The following DGKH variants were observed in gnomAD, a reference collection of about 807,000 sequenced individuals.
DGKH encodes diacylglycerol kinase eta.
DGKH carries 90 observed loss-of-function variants against 159.3 expected under a neutral mutation model. The observed-to-expected ratio is 0.57, with a 90% confidence interval of 0.48 to 0.67. The LOEUF is 0.67. DGKH is among the 30% of genes least tolerant of loss of function. The probability of loss-of-function intolerance (pLI) is 0.00; values close to 1 mark genes in which losing one functional copy is unlikely to be tolerated. For missense variants in DGKH, 1,181 were observed against 1,506.1 expected, an observed-to-expected ratio of 0.78 and a Z score of 3.57; for synonymous variants, 536 against 553.8, an observed-to-expected ratio of 0.97 and a Z score of 0.45.
intron 1 of DGKH, among the ~76,000 whole-genome samples, chr13:42,060,369 C>T (rs765443126): frequency 2.6e-5 from 4 of 152,166 alleles, no homozygotes; most frequent in Non-Finnish European, 4.4e-5. Flanking sequence ...CCACCTCTAT[C>T]GGTCTTTTTC....
rs776422302 is a variant in DGKH, at chr13:42,095,156, C to CTTTTTTTTTTTTTT, written c.193-32296_193-32283dup. On this transcript the variant is annotated intron_variant, in intron 1 of 29. Coordinates refer to ENST00000337343, the MANE Select transcript of DGKH (RefSeq NM_178009.5). ...GCAGCCGCTCAATAAATGTTGACTC[C>CTTTTTTTTTTTTTT]TTTTTTTTTTTTTTTTTTTTTTTTG... Among the ~76,000 whole-genome samples the CTTTTTTTTTTTTTT allele has an allele frequency of 2.6e-4, 20 of 76,814 alleles. 1 individual carries two copies. The highest frequency in any genetic ancestry group is 4.0e-4 in the Non-Finnish European group (17 of 42,954). 50.4% of individuals were successfully genotyped at this position (76,814 alleles called of 152,430 possible).
intron 3 of DGKH, among the ~76,000 whole-genome samples, chr13:42,150,461 C>T: frequency 6.6e-6 from 1 of 152,128 alleles, no homozygotes; most frequent in East Asian, 1.9e-4. Flanking sequence ...AGTTACATTT[C>T]TTTTTACCTC....
rs558512939 is a variant in DGKH at position 42,227,274 on chromosome 13, T to A, written c.3574-1825T>A. Among the ~76,000 whole-genome samples the A allele has an allele frequency of 5.1e-4, 78 of 151,958 alleles. 3 individuals are homozygous for A. The highest frequency in any genetic ancestry group is 1.8e-3 in the African/African-American group (75 of 41,468). ...CCTGGAACTTAAAATTAAATTAATT[T>A]AAAAAAAAGTATAGCTAAGAAGTTA... On this transcript the variant is annotated intron_variant, in intron 29 of 29. Coordinates refer to ENST00000337343, the MANE Select transcript of DGKH (RefSeq NM_178009.5).
At chr13:42,059,665 C>A (rs1401937475) in intron 1 of DGKH, among the ~76,000 whole-genome samples, 3 of 152,184 alleles carry the variant, frequency 2.0e-5, no homozygotes, top group African/African-American at 7.2e-5. Context: ...TCTATTTAAT[C>A]TTGAAATATC....
chr13:42,061,211 C>T (rs1882140204), intron 1 of DGKH, among the ~76,000 whole-genome samples: 2 of 152,046 alleles, frequency 1.3e-5, no homozygotes, highest in Admixed American at 1.3e-4. Flanking sequence ...GGCTGGTTGC[C>T]CCACCCTAAT....
rs1223953901 is a variant in DGKH, at chr13:42,135,489, C to CACAAAAAAAAAAA, written c.384+5858_384+5859insCAAAAAAAAAAAA. Among the ~76,000 whole-genome samples the CACAAAAAAAAAAA allele has an allele frequency of 1.0e-3, 53 of 50,974 alleles. 2 individuals are homozygous for CACAAAAAAAAAAA. The highest frequency in any genetic ancestry group is 1.6e-3 in the Admixed American group (5 of 3,060). The allele number at this position is 50,974 out of a possible 152,430, so 33.4% of individuals were successfully genotyped here. On this transcript the variant is annotated intron_variant, in intron 3 of 29. Transcript: ENST00000337343. ...TGGGTGGCAGAGAAAGACCCTGTCT[C>CACAAAAAAAAAAA]AGAAAAAAAAAAAAAAAAAGAGAGA...
At chr13:42,124,603 A>G (rs1267822244) in intron 1 of DGKH, among the ~76,000 whole-genome samples, 3 of 152,102 alleles carry the variant, frequency 2.0e-5, no homozygotes, top group Non-Finnish European at 4.4e-5. Context: ...GTATTTGGTG[A>G]TGGGATTTGC....
intron 1 of DGKH, among the ~76,000 whole-genome samples, chr13:42,083,868 C>T (rs2137726625): frequency 6.6e-6 from 1 of 152,272 alleles, no homozygotes; most frequent in African/African-American, 2.4e-5. Context: ...AAGTATTGTA[C>T]TTTGTAAGAA....
At chr13:42,167,010 T>C (rs1007912925) in intron 9 of DGKH, among the ~76,000 whole-genome samples, 21 of 152,194 alleles carry the variant, frequency 1.4e-4, no homozygotes, top group African/African-American at 5.1e-4. Flanking sequence ...AAGGCTGATA[T>C]TGATTTACAT....
rs537230102 is a variant in DGKH at position 42,241,765 on chromosome 13, C to T, written c.*12577C>T. The stretch of plus-strand genomic sequence containing the variant: ...GCGGTAATATTTAACAGGTAGCATA[C>T]GTATCTAAGCATATAGTAAATATTA... On this transcript the variant is annotated 3_prime_UTR_variant, in exon 30 of 30. Transcript: ENST00000337343. 2.0e-5 allele frequency: 3 copies of T among 152,244 alleles called. No individual in the cohort carries two copies. The highest frequency in any genetic ancestry group is 1.9e-4 in the East Asian group (1 of 5,184). The allele number at this position is 152,244 out of a possible 1,614,324, so 9.4% of individuals were successfully genotyped here.
At chr13:42,074,899 G>C (rs1954066880) in intron 1 of DGKH, among the ~76,000 whole-genome samples, 1 of 152,200 alleles carries the variant, frequency 6.6e-6, no homozygotes, top group Non-Finnish European at 1.5e-5. Flanking sequence ...TTGAAAGTGT[G>C]TGCCACTCAT....
Position 42,239,692 on chromosome 13 carries a change from ACT to A in DGKH, c.*10507_*10508del, listed in dbSNP as rs1958482146. On this transcript the variant is annotated 3_prime_UTR_variant, in exon 30 of 30. Coordinates refer to ENST00000337343, the MANE Select transcript of DGKH (RefSeq NM_178009.5). ...TCCAGCAACTAGTTTTTCTACTTTC[ACT>A]CTTTCCCACCAGAGTGGTCTCTCTA... 6.6e-6 allele frequency: 1 copy of A among 151,748 alleles called. No homozygotes were observed. The highest frequency in any genetic ancestry group is 2.4e-5 in the African/African-American group (1 of 41,090). The allele number at this position is 151,748 out of a possible 1,614,324, so 9.4% of individuals were successfully genotyped here. A position where few individuals can be genotyped will look rare whatever the true frequency, so the allele number is the denominator to read the frequency against.
chr13:42,067,537 C>G (rs527990635), intron 1 of DGKH, among the ~76,000 whole-genome samples: 30 of 152,172 alleles, frequency 2.0e-4, no homozygotes, highest in Admixed American at 3.3e-4. Flanking sequence ...GTCTTTTATT[C>G]TAGAAAGATC....
intron 1 of DGKH, among the ~76,000 whole-genome samples, chr13:42,041,640 T>C (rs1880513672): frequency 6.6e-6 from 1 of 152,076 alleles, no homozygotes; most frequent in African/African-American, 2.4e-5. Context: ...CCTTCTCTCT[T>C]CCGATTCAAA....
Position 42,235,584 on chromosome 13 carries a change from A to G in DGKH, c.*6396A>G, listed in dbSNP as rs1958396607. ...GTGGTCCTTAATGTTTGATTGCACT[A>G]TTGTTTCCCACAGCTTAGCCGTATC... On this transcript the variant is annotated 3_prime_UTR_variant, in exon 30 of 30. Transcript: ENST00000337343. The G allele has an allele frequency of 6.6e-6, 1 of 152,182 alleles. No individual in the cohort carries two copies. The highest frequency in any genetic ancestry group is 2.1e-4 in the South Asian group (1 of 4,830). The allele number at this position is 152,182 out of a possible 1,614,324, so 9.4% of individuals were successfully genotyped here. A position where few individuals can be genotyped will look rare whatever the true frequency, so the allele number is the denominator to read the frequency against.
At chr13:42,173,506 T>C (rs1956516219) in intron 11 of DGKH, among the ~76,000 whole-genome samples, 1 of 152,238 alleles carries the variant, frequency 6.6e-6, no homozygotes, top group Non-Finnish European at 1.5e-5. Flanking sequence ...ATTCATTATT[T>C]CTTAATTTAA....
intron 1 of DGKH, among the ~76,000 whole-genome samples, chr13:42,056,799 C>G (rs1881793363): frequency 6.6e-6 from 1 of 152,116 alleles, no homozygotes; most frequent in Non-Finnish European, 1.5e-5. Flanking sequence ...CTCTTGGCCT[C>G]TCTCTCCTTC....
chr13:42,253,767 T>A (rs1958636753), intron 30 of DGKH, among the ~76,000 whole-genome samples: 1 of 152,266 alleles, frequency 6.6e-6, no homozygotes, highest in Non-Finnish European at 1.5e-5. Context: ...TTTTGTTTTA[T>A]CCTGCATTTG....
intron 11 of DGKH, among the ~76,000 whole-genome samples, chr13:42,173,348 A>G (rs913402071): frequency 3.9e-5 from 6 of 152,214 alleles, no homozygotes; most frequent in African/African-American, 1.4e-4. Flanking sequence ...ACTATTTTGG[A>G]TAGAAAACTG....
Sources: gnomAD v4.1 joint callset for allele counts (sites outside exome capture counted in the v4.1 genomes callset) on GRCh38, gnomAD v4.1.1 for gene constraint, MANE v1.5 for transcripts, NCBI Gene and HGNC (gene_info 2026-07-23, HGNC 2026-07-21) for gene names.